The following PRKG1 variants were observed in gnomAD, a reference collection of about 807,000 sequenced individuals.
PRKG1 encodes protein kinase cGMP-dependent 1.
In PRKG1, 35 loss-of-function variants were observed where a neutral mutation model predicts 88.1. That is an observed-to-expected ratio of 0.40 (90% CI 0.30 to 0.53). PRKG1 has a LOEUF of 0.53. Ranked by LOEUF, PRKG1 falls within the 20% of genes least tolerant of loss-of-function variation. The pLI is 0.59. For missense variants in PRKG1, 540 were observed against 839.8 expected, an observed-to-expected ratio of 0.64 and a Z score of 4.41; for synonymous variants, 303 against 292.5, an observed-to-expected ratio of 1.04 and a Z score of -0.37.
At chr10:51,670,741 A>AAAAT (rs554289419) in intron 3 of PRKG1, among the ~76,000 whole-genome samples, 4,509 of 94,506 alleles carry the variant, frequency 0.048, 132 homozygotes, top group Admixed American at 0.069. Context: ...GTCTCAAAAA[A>AAAAT]AAATAAATAA....
intron 2 of PRKG1, among the ~76,000 whole-genome samples, chr10:51,455,565 A>G (rs1839561926): frequency 6.6e-6 from 1 of 152,200 alleles, no homozygotes; most frequent in Non-Finnish European, 1.5e-5. Context: ...CTTCTGCCAG[A>G]TACCCTAAAT....
intron 3 of PRKG1, among the ~76,000 whole-genome samples, chr10:51,642,813 A>T (rs893281225): frequency 2.6e-5 from 4 of 152,206 alleles, no homozygotes; most frequent in Non-Finnish European, 5.9e-5. Flanking sequence ...GCCTGAACTT[A>T]TTGATTGAAC....
intron 2 of PRKG1, among the ~76,000 whole-genome samples, chr10:51,327,840 C>T (rs1841631206): frequency 6.6e-6 from 1 of 152,150 alleles, no homozygotes. Context: ...TGATTCATCA[C>T]TGACCGAAAT....
Position 51,796,944 on chromosome 10 carries a change from G to GACTAATACAACTATT in PRKG1, c.593-7627_593-7626insTACTAATACAACTAT, listed in dbSNP as rs571577596. Among the ~76,000 whole-genome samples the GACTAATACAACTATT allele has an allele frequency of 5.2e-3, 796 of 152,146 alleles. 6 individuals are homozygous for GACTAATACAACTATT. Among genetic ancestry groups the GACTAATACAACTATT allele is most frequent in the Non-Finnish European group, 5.5e-3 (371 of 67,968 alleles). ...TCTCTGGAGAATCTTGACTAAGATT[G>GACTAATACAACTATT]ACTAATACAACTATCTTTGCTTGGA... On this transcript the variant is annotated intron_variant, in intron 3 of 17. Transcript: ENST00000373980.
chr10:51,796,093 T>G (rs1001565500), intron 3 of PRKG1, among the ~76,000 whole-genome samples: 1 of 152,126 alleles, frequency 6.6e-6, no homozygotes, highest in African/African-American at 2.4e-5. Flanking sequence ...GAATATTTTA[T>G]TTAGTTGAAA....
chr10:51,858,505 G>T (rs1186469156), intron 4 of PRKG1, among the ~76,000 whole-genome samples: 4 of 135,288 alleles, frequency 3.0e-5, no homozygotes, highest in African/African-American at 1.1e-4. Flanking sequence ...AATGTGCTTT[G>T]ATTTGAGCAT....
intron 10 of PRKG1, among the ~76,000 whole-genome samples, chr10:52,268,400 T>G (rs1168101552): frequency 6.6e-6 from 1 of 152,100 alleles, no homozygotes; most frequent in Non-Finnish European, 1.5e-5. Context: ...CTACCCCACT[T>G]GGCTTCTCCT....
At position 51,640,823 on chromosome 10, in the gene PRKG1, T is replaced by C. The variant is rs181042478; in HGVS notation, c.593-163762T>C. 1.2e-3 allele frequency among the ~76,000 whole-genome samples: 185 copies of C among 149,704 alleles called. 1 individual carries two copies. Among genetic ancestry groups the C allele is most frequent in the African/African-American group, 4.2e-3 (173 of 41,200 alleles). On this transcript the variant is annotated intron_variant, in intron 3 of 17. Coordinates refer to ENST00000373980, the MANE Select transcript of PRKG1 (RefSeq NM_006258.4). Reference sequence around the variant, plus strand: ...GCTCTTAGCAAGTAAGCAATAGATGTATATGTCTCTTTTTATGTTTGGTCA... The same window carrying C: ...GCTCTTAGCAAGTAAGCAATAGATGCATATGTCTCTTTTTATGTTTGGTCA...
chr10:51,490,977 C>A (rs1418587594), intron 3 of PRKG1, among the ~76,000 whole-genome samples: 1 of 151,954 alleles, frequency 6.6e-6, no homozygotes, highest in Non-Finnish European at 1.5e-5. Flanking sequence ...GAAAGGAACA[C>A]CCCAATATGA....
In PRKG1 at chr10:52,213,236, T is replaced by C. The variant is rs112212337; in HGVS notation, c.1077-38334T>C. On this transcript the variant is annotated intron_variant, in intron 9 of 17. Coordinates refer to ENST00000373980, the MANE Select transcript of PRKG1 (RefSeq NM_006258.4). The stretch of plus-strand genomic sequence containing the variant: ...GAAAAAATGAAAAAAAGAAGTTCAG[T>C]TGACTTTTGATAGCTTTACAAACTG... Among the ~76,000 whole-genome samples the C allele has an allele frequency of 3.5e-3, 536 of 152,260 alleles. 3 individuals carry two copies. The highest frequency in any genetic ancestry group is 0.012 in the African/African-American group (515 of 41,576).
intron 14 of PRKG1, among the ~76,000 whole-genome samples, chr10:52,287,410 T>C (rs1842140978): frequency 6.6e-6 from 1 of 151,930 alleles, no homozygotes; most frequent in African/African-American, 2.4e-5. Flanking sequence ...AACAGGCAAA[T>C]CTACTACTCC....
chr10:51,745,107 T>C (rs181995379), intron 3 of PRKG1, among the ~76,000 whole-genome samples: 112 of 152,276 alleles, frequency 7.4e-4, no homozygotes, highest in Non-Finnish European at 1.2e-3. Flanking sequence ...ATTCTAAAGA[T>C]TAAAAATAGA....
rs1422536642 is a variant in PRKG1, at chr10:52,188,228, A to G, written c.1076+26265A>G. 1.1e-3 allele frequency among the ~76,000 whole-genome samples: 54 copies of G among 47,074 alleles called. 1 individual carries two copies. Among genetic ancestry groups the G allele is most frequent in the Middle Eastern group, 9.3e-3 (1 of 108 alleles). 30.9% of individuals were successfully genotyped at this position (47,074 alleles called of 152,430 possible). A position where few individuals can be genotyped will look rare whatever the true frequency, so the allele number is the denominator to read the frequency against. On this transcript the variant is annotated intron_variant, in intron 9 of 17. Transcript: ENST00000373980. ...TATATATATGTGTATATATATACAT[A>G]TGTATATATATACATATATATGTGT... is the stretch of plus-strand genomic sequence containing the variant.
intron 3 of PRKG1, among the ~76,000 whole-genome samples, chr10:51,797,335 G>A (rs1839039124): frequency 6.9e-6 from 1 of 145,376 alleles, no homozygotes. Flanking sequence ...TAATGGTTAG[G>A]ATGATAAATT....
chr10:51,023,718 C>T (rs1483434541), intron 1 of PRKG1, among the ~76,000 whole-genome samples: 2 of 152,196 alleles, frequency 1.3e-5, no homozygotes, highest in Non-Finnish European at 2.9e-5. Flanking sequence ...TCAAAATTCA[C>T]TGCTTTTCAC....
chr10:51,868,893 A>G (rs1841085730), intron 4 of PRKG1, among the ~76,000 whole-genome samples: 1 of 152,226 alleles, frequency 6.6e-6, no homozygotes, highest in Non-Finnish European at 1.5e-5. Flanking sequence ...GAGTGCATAT[A>G]AAGAGGGATT....
At chr10:51,260,446 T>G (rs1224378962) in intron 2 of PRKG1, among the ~76,000 whole-genome samples, 1 of 152,204 alleles carries the variant, frequency 6.6e-6, no homozygotes, top group Non-Finnish European at 1.5e-5. Flanking sequence ...AAAAAAAATT[T>G]TTTATTCTTT....
intron 1 of PRKG1, among the ~76,000 whole-genome samples, chr10:51,058,566 G>T (rs545685395): frequency 1.3e-5 from 2 of 151,960 alleles, no homozygotes; most frequent in African/African-American, 2.4e-5. Flanking sequence ...TTGAACAAGG[G>T]TTCATTCTTG....
intron 3 of PRKG1, among the ~76,000 whole-genome samples, chr10:51,631,206 G>A (rs1839517554): frequency 1.3e-5 from 2 of 152,072 alleles, no homozygotes; most frequent in South Asian, 4.2e-4. Context: ...CTCATCATTG[G>A]GTCTTTCCCC....
Sources: allele counts gnomAD v4.1 joint callset (sites outside exome capture counted in the v4.1 genomes callset), GRCh38; gene constraint gnomAD v4.1.1; transcripts MANE v1.5; gene names NCBI Gene and HGNC (gene_info 2026-07-23, HGNC 2026-07-21).